The following PIEZO1 variants were observed in gnomAD, a reference collection of about 807,000 sequenced individuals.
PIEZO1 encodes the protein piezo type mechanosensitive ion channel component 1 (Er blood group).
Under a neutral mutation model 297.2 loss-of-function variants are expected in PIEZO1, and 296 were observed. That is an observed-to-expected ratio of 1.00 (90% CI 0.91 to 1.10). The LOEUF (loss-of-function observed/expected upper bound fraction) is 1.10, where lower values mean the gene tolerates loss of function less well. Ranked by LOEUF, PIEZO1 falls within the 50% of genes least tolerant of loss-of-function variation. The pLI is 0.00. For synonymous variants in PIEZO1, 2,427 were observed against 1,507.5 expected, an observed-to-expected ratio of 1.61 and a Z score of -14.13; for missense variants, 5,018 against 3,455.5, an observed-to-expected ratio of 1.45 and a Z score of -11.34.
In PIEZO1 at chr16:88,755,076, G is replaced by A. The variant is rs116169507; in HGVS notation, c.65-5597C>T. ...CCGCCGCGGCCATCACGTCACCGCCGCCCCCAGTGCAGGCACGGGGCTGGG... is the reference window on the plus strand; with the variant it reads ...CCGCCGCGGCCATCACGTCACCGCCACCCCCAGTGCAGGCACGGGGCTGGG... On this transcript the variant is annotated intron_variant, in intron 1 of 50. Coordinates refer to ENST00000301015, the MANE Select transcript of PIEZO1 (RefSeq NM_001142864.4). 9.7e-3 allele frequency among the ~76,000 whole-genome samples: 1,475 copies of A among 152,298 alleles called. 27 individuals are homozygous for A. The highest frequency in any genetic ancestry group is 0.034 in the African/African-American group (1,403 of 41,564).
At chr16:88,764,767 A>AG (rs1907095055) in intron 1 of PIEZO1, among the ~76,000 whole-genome samples, 2 of 150,580 alleles carry the variant, frequency 1.3e-5, no homozygotes, top group African/African-American at 2.4e-5. Flanking sequence ...AAAAAAAAAA[A>AG]GAAAGAAAAA....
chr16:88,716,812 G>C lies in PIEZO1; in HGVS notation c.6747C>G (p.Pro2249=). 1 of 1,550,054 alleles carries C rather than the reference G, an allele frequency of 6.5e-7. No individual in the cohort carries two copies. The highest frequency in any genetic ancestry group is 1.2e-5 in the South Asian group (1 of 84,070). ...AYEELSRQFD[P]QPLAMQFISQ... is the part of the protein sequence containing the mutation. ...CAGGGCAGAGGCCACTTACCGGCTG[G>C]GGGTCAAACTGCCGGGACAGCTCCT... Residue 2249 remains proline (P), a synonymous_variant, in exon 46 of 51, where the codon CCC becomes CCG. Coordinates refer to ENST00000301015, the MANE Select transcript of PIEZO1 (RefSeq NM_001142864.4).
chr16:88,731,691 C>T lies in PIEZO1; in HGVS notation c.3196+15G>A. Reference sequence around the variant, plus strand: ...GCCACAAAGCCCACTCCCACCCAAGCCACGTGCCCCTCACCAATGCACAGG... The same window carrying T: ...GCCACAAAGCCCACTCCCACCCAAGTCACGTGCCCCTCACCAATGCACAGG... On this transcript the variant is annotated intron_variant, in intron 22 of 50. Transcript: ENST00000301015. 3 of 1,546,734 alleles carry T rather than the reference C, an allele frequency of 1.9e-6. No homozygotes were observed. The highest frequency in any genetic ancestry group is 4.9e-5 in the East Asian group (2 of 40,768).
chr16:88,783,757 T>C (rs1361513635), intron 1 of PIEZO1, among the ~76,000 whole-genome samples: 1 of 152,224 alleles, frequency 6.6e-6, no homozygotes, highest in African/African-American at 2.4e-5. Flanking sequence ...CATTGATTCC[T>C]GTCTAGAAAA....
At position 88,737,579 on chromosome 16, in the gene PIEZO1, C is replaced by T. The variant is rs1905313901; in HGVS notation, c.1175G>A (p.Ser392Asn). ...CTCACCAGGCCGCCGCAGGACGGAGCTCTGGCCGGTCAGCTCGTGCACGAT... is the reference window on the plus strand; with the variant it reads ...CTCACCAGGCCGCCGCAGGACGGAGTTCTGGCCGGTCAGCTCGTGCACGAT... Reference protein sequence around the residue: ...NCIVHELTGQSSVLRRPVRPK... With the variant: ...NCIVHELTGQNSVLRRPVRPK... The change falls in exon 10 of 51, where the codon AGC (serine) becomes AAC (asparagine). Residue 392 changes from serine to asparagine, a missense_variant. Transcript: ENST00000301015. 2 of 1,533,956 alleles carry T rather than the reference C, an allele frequency of 1.3e-6. No individual in the cohort carries two copies. Among genetic ancestry groups the T allele is most frequent in the African/African-American group, 1.4e-5 (1 of 72,960 alleles).
intron 27 of PIEZO1, 180 bp from the exon 28 acceptor site, chr16:88,725,864 A>G: frequency 1.7e-6 from 1 of 603,746 alleles, no homozygotes; most frequent in South Asian, 2.0e-5. Flanking sequence ...TGCGGCGAGG[A>G]CAGGCCCTTC....
chr16:88,777,593 G>C (rs890413858), intron 1 of PIEZO1, among the ~76,000 whole-genome samples: 1 of 152,274 alleles, frequency 6.6e-6, no homozygotes, highest in Non-Finnish European at 1.5e-5. Flanking sequence ...TGGGATGGAC[G>C]ATGGCTTCCC....
chr16:88,740,124 A>T (rs1905542159), intron 5 of PIEZO1: 1 of 152,096 alleles, frequency 6.6e-6, no homozygotes, highest in Non-Finnish European at 1.5e-5. Flanking sequence ...AGCGGCCAGC[A>T]CCCCTCGGGC....
At chr16:88,761,810 C>A (rs527964941) in intron 1 of PIEZO1, among the ~76,000 whole-genome samples, 2 of 151,510 alleles carry the variant, frequency 1.3e-5, no homozygotes, top group Non-Finnish European at 2.9e-5. Flanking sequence ...AGCAGCGCTG[C>A]CAGGGTGTGG....
At position 88,726,429 on chromosome 16, in the gene PIEZO1, C is replaced by G; in HGVS notation, c.3823G>C (p.Asp1275His). 6.4e-7 allele frequency: 1 copy of G among 1,550,478 alleles called. No homozygotes were observed. The highest frequency in any genetic ancestry group is 8.7e-7 in the Non-Finnish European group (1 of 1,146,918). The change falls in exon 27 of 51, where the codon GAC becomes CAC. Residue 1275 changes from aspartate (D) to histidine (H), a missense_variant. Coordinates refer to ENST00000301015, the MANE Select transcript of PIEZO1 (RefSeq NM_001142864.4). ...DPKEMMDRDQ[D>H]CLLPVEEAGI... ...GCCTCCTCCACAGGCAGCAGGCAGT[C>G]CTGGTCTCTGTCCATCATCTCCTTG...
intron 27 of PIEZO1, 54 bp from the exon 28 acceptor site, chr16:88,725,738 T>A (rs1279008154): frequency 1.1e-6 from 1 of 940,256 alleles, no homozygotes; most frequent in Non-Finnish European, 1.7e-6. Context: ...CCCAGCAACA[T>A]GGGCAGCCGC....
rs1304572140 is a variant in PIEZO1 at position 88,725,490 on chromosome 16, T to C, written c.4088A>G (p.Lys1363Arg). ...QMERIRAKQE[K>R]HRQGRVDRSR... is the part of the protein sequence containing the mutation. The stretch of plus-strand genomic sequence containing the variant: ...GCGGTCCACCCGGCCCTGCCTGTGC[T>C]TCTCCTGCTTGGCACGGATACGCTC... The change falls in exon 29 of 51, where the codon AAG becomes AGG. Residue 1363 changes from lysine (K) to arginine (R), a missense_variant. Transcript: ENST00000301015. 6.5e-7 allele frequency: 1 copy of C among 1,526,864 alleles called. No homozygotes were observed. Among genetic ancestry groups the C allele is most frequent in the South Asian group, 1.2e-5 (1 of 80,972 alleles). 94.6% of individuals were successfully genotyped at this position (1,526,864 alleles called of 1,614,324 possible).
intron 43 of PIEZO1, 22 bp from the exon 44 acceptor site, chr16:88,719,743 G>A (rs376356227): frequency 2.6e-5 from 40 of 1,550,340 alleles, no homozygotes; most frequent in Middle Eastern, 1.7e-4. Context: ...CAGGGTTCCC[G>A]TCAGGTGGGC....
Position 88,732,386 on chromosome 16 carries a change from G to A in PIEZO1, c.2940C>T (p.Leu980=), listed in dbSNP as rs541368471. Residue 980 remains leucine (L), a synonymous_variant, in exon 21 of 51, where the codon CTC becomes CTT. Transcript: ENST00000301015. ...AGTTGATGAAGTACTTGAGGCAGCCGAGCAGATCCTGGTCCAGCTGCTGGC... is the reference window on the plus strand; with the variant it reads ...AGTTGATGAAGTACTTGAGGCAGCCAAGCAGATCCTGGTCCAGCTGCTGGC... ...GTRQQLDQDL[L]GCLKYFINFF... is the part of the protein sequence containing the mutation. 84 of 1,549,750 alleles carry A rather than the reference G, an allele frequency of 5.4e-5. No homozygotes were observed. The Middle Eastern group carries it at 8.4e-4, about 15-fold the overall frequency.
Position 88,723,154 on chromosome 16 carries a change from G to A in PIEZO1, c.4439-3C>T, listed in dbSNP as rs1904295329. The A allele has an allele frequency of 6.5e-7, 1 of 1,549,320 alleles. No individual in the cohort carries two copies. Among genetic ancestry groups the A allele is most frequent in the East Asian group, 2.4e-5 (1 of 40,902 alleles). ...CACCTCCTGGCTGGGACCACCTCCT[G>A]GGCACAGGATGCTGGTGAGTGACTG... On this transcript the variant is annotated splice_polypyrimidine_tract_variant and splice_region_variant and intron_variant, in intron 32 of 50. Transcript: ENST00000301015.
chr16:88,726,696 G>T lies in PIEZO1; in HGVS notation c.3699+19C>A, dbSNP rs759996825. Reference sequence around the variant, plus strand: ...AGCGGGGCCCCAGGGCGGTGGGTGCGGGGGGGCCGGAGGCTCACCGACAGC... The same window carrying T: ...AGCGGGGCCCCAGGGCGGTGGGTGCTGGGGGGCCGGAGGCTCACCGACAGC... On this transcript the variant is annotated intron_variant, in intron 25 of 50. Coordinates refer to ENST00000301015, the MANE Select transcript of PIEZO1 (RefSeq NM_001142864.4). 46 of 1,544,894 alleles carry T rather than the reference G, an allele frequency of 3.0e-5. 3 individuals carry two copies. The highest frequency in any genetic ancestry group is 1.8e-4 in the African/African-American group (13 of 72,924).
chr16:88,768,239 T>TC (rs367977586), intron 1 of PIEZO1, among the ~76,000 whole-genome samples: 3 of 152,066 alleles, frequency 2.0e-5, no homozygotes, highest in African/African-American at 7.2e-5. Flanking sequence ...TCGCAGCCCC[T>TC]CCCCCCACAT....
chr16:88,749,307 G>C (rs867213383), intron 2 of PIEZO1, 77 bp downstream of exon 2: 2 of 923,500 alleles, frequency 2.2e-6, no homozygotes, highest in Middle Eastern at 2.1e-4. Context: ...GGTGAGGAAA[G>C]CTGTACGAAT....
chr16:88,752,420 C>T (rs1182746452), intron 1 of PIEZO1, among the ~76,000 whole-genome samples: 1 of 152,162 alleles, frequency 6.6e-6, no homozygotes, highest in Non-Finnish European at 1.5e-5. Flanking sequence ...AGGCTGAGGC[C>T]GCAGTGAGCC....
Sources: allele counts gnomAD v4.1 joint callset (sites outside exome capture counted in the v4.1 genomes callset), GRCh38; gene constraint gnomAD v4.1.1; transcripts MANE v1.5; gene names NCBI Gene and HGNC (gene_info 2026-07-23, HGNC 2026-07-21).